FRMPD4: variants seen among roughly 807,000 people sequenced by gnomAD.
FRMPD4 encodes the protein FERM and PDZ domain containing 4, also known as FERM and PDZ domain-containing protein 4.
FRMPD4 carries 22 observed loss-of-function variants against 94.1 expected under a neutral mutation model. The observed-to-expected ratio is 0.23, with a 90% confidence interval of 0.17 to 0.33. The LOEUF (loss-of-function observed/expected upper bound fraction) is 0.33. Ranked by LOEUF, FRMPD4 falls within the 10% of genes least tolerant of loss-of-function variation. The probability of loss-of-function intolerance (pLI) is 1.00; values close to 1 mark genes in which losing one functional copy is unlikely to be tolerated. For synonymous variants in FRMPD4, 631 were observed against 548.6 expected (o/e 1.15, Z -2.10); for missense variants, 1,111 against 1,339.9 (o/e 0.83, Z 2.67).
chrX:12,324,220 T>C (rs1330222172), intron 1 of FRMPD4, among the ~76,000 whole-genome samples: 1 of 112,214 alleles, frequency 8.9e-6, no homozygotes, highest in South Asian at 3.7e-4. Context: ...TGATGTGTAG[T>C]TCAAGTTATG....
intron 3 of FRMPD4, among the ~76,000 whole-genome samples, chrX:12,107,090 C>A (rs1247887480): frequency 1.8e-5 from 2 of 111,717 alleles, no homozygotes. Flanking sequence ...TGAGAAGGGA[C>A]AGATTGCCTC....
intron 1 of FRMPD4, among the ~76,000 whole-genome samples, chrX:12,253,462 T>C (rs739575): frequency 0.18 from 19,925 of 111,833 alleles, 1,664 homozygotes; most frequent in East Asian, 0.52. Flanking sequence ...TATACTCTTG[T>C]GGTTTTGTGA....
intron 2 of FRMPD4, among the ~76,000 whole-genome samples, chrX:12,515,694 C>G (rs1450677583): frequency 1.8e-5 from 2 of 111,981 alleles, no homozygotes; most frequent in Non-Finnish European, 3.8e-5. Context: ...CTGTAGATAT[C>G]TATTAGGTCC....
At chrX:12,080,621 G>A (rs1427530762) in intron 3 of FRMPD4, among the ~76,000 whole-genome samples, 1 of 112,233 alleles carries the variant, frequency 8.9e-6, no homozygotes, top group Non-Finnish European at 1.9e-5. Context: ...GAAACCATAA[G>A]AAAATATCAG....
At chrX:11,989,772 G>A (rs1294188164) in intron 3 of FRMPD4, among the ~76,000 whole-genome samples, 1 of 111,145 alleles carries the variant, frequency 9.0e-6, no homozygotes, top group Non-Finnish European at 1.9e-5. Context: ...ATACACCTAT[G>A]TACCCACAAA....
At chrX:12,677,807 G>T (rs5934027) in intron 5 of FRMPD4, among the ~76,000 whole-genome samples, 37,691 of 110,521 alleles carry the variant, frequency 0.34, 5,167 homozygotes, top group Non-Finnish European at 0.43. Context: ...GGTCAAGGGG[G>T]AATGGGGGTG....
At chrX:12,706,065 C>T (rs895746181) in intron 11 of FRMPD4, among the ~76,000 whole-genome samples, 12 of 108,167 alleles carry the variant, frequency 1.1e-4, no homozygotes, top group African/African-American at 3.9e-4. Flanking sequence ...ATCCCTGGCA[C>T]ATTCAGTATG....
intron 3 of FRMPD4, among the ~76,000 whole-genome samples, chrX:12,085,138 C>T (rs2055097011): frequency 8.9e-6 from 1 of 111,735 alleles, no homozygotes; most frequent in Non-Finnish European, 1.9e-5. Context: ...AGATATACCA[C>T]CAGATGGCAA....
At chrX:11,921,547 T>G (rs994384039) in intron 3 of FRMPD4, among the ~76,000 whole-genome samples, 3 of 112,324 alleles carry the variant, frequency 2.7e-5, no homozygotes, top group African/African-American at 9.7e-5. Flanking sequence ...GACTAGGACT[T>G]GGCCAGTGGA....
At chrX:12,077,785 G>A (rs1388842075) in intron 3 of FRMPD4, among the ~76,000 whole-genome samples, 1 of 110,866 alleles carries the variant, frequency 9.0e-6, no homozygotes, top group Non-Finnish European at 1.9e-5. Context: ...TCTCTCTCAG[G>A]AAGTCCAGCC....
At chrX:12,519,254 GA>G (rs1160206374) in intron 2 of FRMPD4, among the ~76,000 whole-genome samples, 1 of 112,037 alleles carries the variant, frequency 8.9e-6, no homozygotes, top group East Asian at 2.8e-4. Context: ...TTTTTTAAAA[GA>G]AAACCAAATT....
intron 1 of FRMPD4, among the ~76,000 whole-genome samples, chrX:12,327,303 T>C (rs2055304344): frequency 8.9e-6 from 1 of 112,561 alleles, no homozygotes; most frequent in African/African-American, 3.2e-5. Context: ...TCTTTCACAT[T>C]AGAATTTTGT....
chrX:12,376,646 GACACAC>G lies in FRMPD4; in HGVS notation c.42-122019_42-122014del, dbSNP rs112007203. On this transcript the variant is annotated intron_variant, in intron 1 of 16. Coordinates refer to ENST00000675598, the MANE Select transcript of FRMPD4 (RefSeq NM_001368397.1). ...ACGTGTGTGGGTGCACGTGCATGTG[GACACAC>G]ACACACACACACACTCATTCACCTG... Among the ~76,000 whole-genome samples the G allele has an allele frequency of 7.1e-3, 777 of 110,123 alleles. 7 individuals are homozygous for G. The highest frequency in any genetic ancestry group is 0.019 in the Middle Eastern group (4 of 209).
At chrX:12,533,294 G>A (rs757310260) in intron 2 of FRMPD4, among the ~76,000 whole-genome samples, 2 of 112,314 alleles carry the variant, frequency 1.8e-5, no homozygotes, top group South Asian at 3.7e-4. Flanking sequence ...CCGCAACCAC[G>A]TGGAGCTATA....
At position 12,256,290 on chromosome X, in the gene FRMPD4, C is replaced by T. The variant is rs777058407; in HGVS notation, c.41+117278C>T. 1.1e-4 allele frequency among the ~76,000 whole-genome samples: 12 copies of T among 111,718 alleles called. No individual in the cohort carries two copies. In the East Asian group the frequency reaches 3.1e-3, roughly 29 times the overall value. ...GCCCCTGTCCTATCCAGTGACCTTC[C>T]CCACAAACAGGAGAAGACAGTAGAT... On this transcript the variant is annotated intron_variant, in intron 1 of 16. Coordinates refer to ENST00000675598, the MANE Select transcript of FRMPD4 (RefSeq NM_001368397.1).
At chrX:12,463,690 T>G (rs1569286341) in intron 1 of FRMPD4, among the ~76,000 whole-genome samples, 2 of 90,907 alleles carry the variant, frequency 2.2e-5, no homozygotes, top group African/African-American at 9.0e-5. Flanking sequence ...TGTTTTTTTT[T>G]TGTTTTTGTT....
intron 1 of FRMPD4, among the ~76,000 whole-genome samples, chrX:12,245,172 A>G (rs6640944): frequency 0.18 from 19,632 of 111,278 alleles, 1,642 homozygotes; most frequent in East Asian, 0.52. Flanking sequence ...AGGAAGAGGG[A>G]TGACTGACTC....
intron 9 of FRMPD4, among the ~76,000 whole-genome samples, chrX:12,699,276 G>A (rs1480389711): frequency 2.7e-5 from 3 of 111,945 alleles, no homozygotes; most frequent in African/African-American, 3.3e-5. Flanking sequence ...AATTGCTCTC[G>A]GAGGCTGCCT....
intron 1 of FRMPD4, among the ~76,000 whole-genome samples, chrX:12,256,019 C>A (rs1186092695): frequency 1.8e-5 from 2 of 112,197 alleles, no homozygotes; most frequent in African/African-American, 6.5e-5. Context: ...TTATCAGGTG[C>A]ACAGGCTAGG....
Sources: allele counts gnomAD v4.1 joint callset (sites outside exome capture counted in the v4.1 genomes callset), GRCh38; gene constraint gnomAD v4.1.1; transcripts MANE v1.5; gene names NCBI Gene and HGNC (gene_info 2026-07-23, HGNC 2026-07-21).